FRMPD2: variants seen among roughly 807,000 people sequenced by gnomAD.
FRMPD2 encodes FERM and PDZ domain-containing protein 2.
A neutral mutation model predicts 140.1 loss-of-function variants in FRMPD2; 96 were observed. The observed-to-expected ratio is 0.69, with a 90% confidence interval of 0.58 to 0.81. The LOEUF is 0.81. Ranked by LOEUF, FRMPD2 falls within the 40% of genes least tolerant of loss-of-function variation. The pLI is 0.00. For missense variants in FRMPD2, 1,240 were observed against 1,447.4 expected (o/e 0.86, Z 2.32); for synonymous variants, 449 against 547.6 (o/e 0.82, Z 2.52).
In FRMPD2 at chr10:48,232,251, G is replaced by T. The variant is rs1839869025; in HGVS notation, c.1032C>A (p.Leu344=). Residue 344 remains leucine (L), a synonymous_variant, in exon 10 of 29, where the codon CTC becomes CTA. Coordinates refer to ENST00000374201, the MANE Select transcript of FRMPD2 (RefSeq NM_001018071.4). ...KGKSYLALRD[L]CVVLLNGQHL... is the part of the protein sequence containing the mutation. ...GCTGCCCGTTCAGCAGGACCACACAGAGGTCCCTGAGAGCCAAATAGGATT... is the reference window on the plus strand; with the variant it reads ...GCTGCCCGTTCAGCAGGACCACACATAGGTCCCTGAGAGCCAAATAGGATT... 1 of 1,613,316 alleles carries T rather than the reference G, an allele frequency of 6.2e-7. No individual in the cohort carries two copies. The highest frequency in any genetic ancestry group is 2.2e-5 in the East Asian group (1 of 44,856).
At chr10:48,262,135 T>C (rs1356457936) in intron 1 of FRMPD2, among the ~76,000 whole-genome samples, 1 of 152,130 alleles carries the variant, frequency 6.6e-6, no homozygotes, top group Non-Finnish European at 1.5e-5. Flanking sequence ...AATATAAAGG[T>C]CTAAGTATGC....
At chr10:48,255,185 C>T (rs1055442358) in intron 1 of FRMPD2, among the ~76,000 whole-genome samples, 6 of 152,112 alleles carry the variant, frequency 3.9e-5, no homozygotes, top group South Asian at 4.2e-4. Context: ...CTGAAGGCTT[C>T]GGGGCTCATC....
intron 5 of FRMPD2, among the ~76,000 whole-genome samples, chr10:48,241,784 G>A (rs1030487872): frequency 3.3e-5 from 5 of 152,206 alleles, no homozygotes; most frequent in Non-Finnish European, 5.9e-5. Flanking sequence ...ACGAAGTCGG[G>A]GAAGGCTTCT....
At chr10:48,240,107 C>T (rs1840068657) in intron 6 of FRMPD2, among the ~76,000 whole-genome samples, 1 of 152,148 alleles carries the variant, frequency 6.6e-6, no homozygotes, top group African/African-American at 2.4e-5. Flanking sequence ...ATTTTCTCAA[C>T]TTGGACAGTT....
chr10:48,239,863 A>G (rs1840062037), intron 6 of FRMPD2, among the ~76,000 whole-genome samples, 171 bp from the exon 7 acceptor site: 1 of 152,222 alleles, frequency 6.6e-6, no homozygotes, highest in African/African-American at 2.4e-5. Flanking sequence ...AATGACAGTT[A>G]CAGAGGGTTG....
intron 1 of FRMPD2, among the ~76,000 whole-genome samples, chr10:48,259,622 AT>A (rs1371155928): frequency 6.9e-6 from 1 of 145,730 alleles, no homozygotes; most frequent in Non-Finnish European, 1.5e-5. Flanking sequence ...TAGTACATGA[AT>A]GTGTGTGTGT....
chr10:48,269,634 GA>G (rs1433815561), intron 1 of FRMPD2, among the ~76,000 whole-genome samples: 2 of 152,236 alleles, frequency 1.3e-5, no homozygotes, highest in Non-Finnish European at 2.9e-5. Context: ...TGCAGGTTGA[GA>G]AGTGGCTTGC....
chr10:48,242,284 C>A lies in FRMPD2; in HGVS notation c.444G>T (p.Arg148=), dbSNP rs774732525. Residue 148 remains arginine (R), a synonymous_variant, in exon 5 of 29, where the codon CGG becomes CGT. Coordinates refer to ENST00000374201, the MANE Select transcript of FRMPD2 (RefSeq NM_001018071.4). ...LTMCEDQPHR[R]CTLQSVLEAC... is the part of the protein sequence containing the mutation. ...CTTCCAGAACCGACTGCAACGTGCA[C>A]CGCCTGTGAGGCTGGTCTTCACACA... 60 of 1,614,058 alleles carry A rather than the reference C, an allele frequency of 3.7e-5. No individual in the cohort carries two copies. The highest frequency in any genetic ancestry group is 4.8e-5 in the Non-Finnish European group (57 of 1,180,022).
In FRMPD2 at chr10:48,256,565, C is replaced by A. The variant is rs1165811671; in HGVS notation, c.26-4874G>T. Among the ~76,000 whole-genome samples the A allele has an allele frequency of 2.6e-5, 4 of 152,166 alleles. No individual in the cohort carries two copies. In the East Asian group the frequency reaches 7.7e-4, roughly 29 times the overall value. On this transcript the variant is annotated intron_variant, in intron 1 of 28. Transcript: ENST00000374201. ...TGGCTGGTTAGCGAGATTGACAACC[C>A]TCTGGAATGCCCTGGAGACACTCCT...
rs567773198 is a variant in FRMPD2, at chr10:48,261,315, T to TA, written c.26-9625dup. ...CTTGGAAAGCATCAAGCAAGATAAA[T>TA]AAAAAAAACACATGTAACCCTAAAC... On this transcript the variant is annotated intron_variant, in intron 1 of 28. Coordinates refer to ENST00000374201, the MANE Select transcript of FRMPD2 (RefSeq NM_001018071.4). 5.5e-4 allele frequency among the ~76,000 whole-genome samples: 82 copies of TA among 149,086 alleles called. No individual in the cohort carries two copies. The East Asian group carries it at 0.015, about 27-fold the overall frequency.
chr10:48,195,545 T>C (rs1409091702), intron 15 of FRMPD2, among the ~76,000 whole-genome samples: 1 of 152,114 alleles, frequency 6.6e-6, no homozygotes, highest in Non-Finnish European at 1.5e-5. Context: ...GGCAAGACAA[T>C]ACTGGGCTTG....
chr10:48,182,970 G>A (rs146863100), intron 20 of FRMPD2, among the ~76,000 whole-genome samples: 539 of 152,328 alleles, frequency 3.5e-3, no homozygotes, highest in African/African-American at 0.011. Context: ...GACTGGCATT[G>A]GAGATGTACT....
chr10:48,166,426 G>A (rs1230856670), intron 27 of FRMPD2, among the ~76,000 whole-genome samples: 4 of 95,172 alleles, frequency 4.2e-5, no homozygotes, highest in Admixed American at 2.8e-4. Flanking sequence ...CCAGTAACCC[G>A]AGTGGCCCCT....
chr10:48,252,708 C>G (rs568242684), intron 1 of FRMPD2, among the ~76,000 whole-genome samples: 1 of 152,250 alleles, frequency 6.6e-6, no homozygotes, highest in South Asian at 2.1e-4. Context: ...AGGACCCCCT[C>G]AGAAAGCTTG....
intron 6 of FRMPD2, 100 bp from the exon 7 acceptor site, chr10:48,239,792 T>C: frequency 1.3e-6 from 1 of 782,854 alleles, no homozygotes. Context: ...ACTTACTAGC[T>C]GTGTGACCTT....
At chr10:48,182,529 G>A (rs1198992833) in intron 20 of FRMPD2, among the ~76,000 whole-genome samples, 1 of 152,198 alleles carries the variant, frequency 6.6e-6, no homozygotes, top group African/African-American at 2.4e-5. Context: ...GAAAGTCATG[G>A]TAGTCAAGTC....
chr10:48,211,971 C>T lies in FRMPD2; in HGVS notation c.1594G>A (p.Glu532Lys). 1.9e-6 allele frequency: 3 copies of T among 1,613,778 alleles called. No homozygotes were observed. Among genetic ancestry groups the T allele is most frequent in the Non-Finnish European group, 2.5e-6 (3 of 1,179,888 alleles). ...GGCCTTACCCTCAAGAACTTCAGCT[C>T]AGCATCCTCTCCCCACAGTGCAGAG... ...LSSALWGEDAELKFLRVTQQL... is the reference protein window; with the variant it reads ...LSSALWGEDAKLKFLRVTQQL... Residue 532 changes from glutamate (E) to lysine (K), a missense_variant, in exon 13 of 29, where the codon GAG (glutamate) becomes AAG (lysine). Glu to Lys is a moderately conservative substitution (Grantham distance 56). Coordinates refer to ENST00000374201, the MANE Select transcript of FRMPD2 (RefSeq NM_001018071.4).
At chr10:48,190,378 G>A (rs1342412853) in intron 16 of FRMPD2, among the ~76,000 whole-genome samples, 2 of 152,174 alleles carry the variant, frequency 1.3e-5, no homozygotes, top group Non-Finnish European at 2.9e-5. Context: ...AGGGAAGTAG[G>A]AGCCATTACA....
Position 48,235,680 on chromosome 10 carries a change from C to T in FRMPD2, c.993+802G>A, listed in dbSNP as rs970848406. Among the ~76,000 whole-genome samples the T allele has an allele frequency of 2.6e-4, 39 of 152,228 alleles. 1 individual carries two copies. Among genetic ancestry groups the T allele is most frequent in the Non-Finnish European group, 2.1e-4 (14 of 68,042 alleles). Reference sequence around the variant, plus strand: ...AGCCAAGTTGACAATGTGTGCGCTTCCAGCCCTGGGGGTTGGGGAGATGGG... The same window carrying T: ...AGCCAAGTTGACAATGTGTGCGCTTTCAGCCCTGGGGGTTGGGGAGATGGG... On this transcript the variant is annotated intron_variant, in intron 9 of 28. Coordinates refer to ENST00000374201, the MANE Select transcript of FRMPD2 (RefSeq NM_001018071.4).
Sources: gnomAD v4.1 joint callset for allele counts (sites outside exome capture counted in the v4.1 genomes callset) on GRCh38, gnomAD v4.1.1 for gene constraint, MANE v1.5 for transcripts, NCBI Gene and HGNC (gene_info 2026-07-23, HGNC 2026-07-21) for gene names.